The following ZNF804A variants were observed in gnomAD, a reference collection of about 807,000 sequenced individuals.
ZNF804A encodes the protein zinc finger protein 804A.
Under a neutral mutation model 16.5 loss-of-function variants are expected in ZNF804A, and 2 were observed. The ratio of observed to expected loss-of-function variants is 0.12; its 90% CI spans 0.05 to 0.38. ZNF804A has a LOEUF of 0.38. Ranked by LOEUF, ZNF804A falls within the 10% of genes least tolerant of loss-of-function variation. The pLI is 0.99. For synonymous variants in ZNF804A, 534 were observed against 489.6 expected, an observed-to-expected ratio of 1.09 and a Z score of -1.20; for missense variants, 1,473 against 1,390.7, an observed-to-expected ratio of 1.06 and a Z score of -0.94.
intron 1 of ZNF804A, among the ~76,000 whole-genome samples, chr2:184,812,429 G>A (rs965498381): frequency 6.6e-6 from 1 of 151,956 alleles, no homozygotes; most frequent in Non-Finnish European, 1.5e-5. Flanking sequence ...TGAAGATAAA[G>A]ATTAAAAAAA....
chr2:184,829,923 CAAAAACAAAAAAAAAAAA>C lies in ZNF804A; in HGVS notation c.112-36444_112-36427del, dbSNP rs1375455114. Among the ~76,000 whole-genome samples, 99 of 66,416 alleles carry C rather than the reference CAAAAACAAAAAAAAAAAA, an allele frequency of 1.5e-3. 1 individual carries two copies. The highest frequency in any genetic ancestry group is 7.3e-3 in the African/African-American group (98 of 13,436). The allele number at this position is 66,416 out of a possible 152,430, so 43.6% of individuals were successfully genotyped here. On this transcript the variant is annotated intron_variant, in intron 1 of 3. Coordinates refer to ENST00000302277, the MANE Select transcript of ZNF804A (RefSeq NM_194250.2). ...CCAAAAAAAAAAAAAAAAAAAAAAA[CAAAAACAAAAAAAAAAAA>C]ACCACACACACACAAATGGACTGGA...
At chr2:184,701,448 A>T (rs929570390) in intron 1 of ZNF804A, among the ~76,000 whole-genome samples, 1 of 151,964 alleles carries the variant, frequency 6.6e-6, no homozygotes, top group African/African-American at 2.4e-5. Context: ...TCTTCAAAGT[A>T]TGTTTTAGTC....
At chr2:184,881,553 A>G (rs1684810468) in intron 2 of ZNF804A, among the ~76,000 whole-genome samples, 1 of 152,148 alleles carries the variant, frequency 6.6e-6, no homozygotes, top group South Asian at 2.1e-4. Flanking sequence ...TGGAAGCCCC[A>G]TTAGGCTAAT....
chr2:184,725,842 GT>G (rs1418644308), intron 1 of ZNF804A, among the ~76,000 whole-genome samples: 1 of 151,348 alleles, frequency 6.6e-6, no homozygotes, highest in African/African-American at 2.4e-5. Context: ...CCACTAATGT[GT>G]TTTAGATCTC....
At chr2:184,808,945 T>C (rs1358671111) in intron 1 of ZNF804A, among the ~76,000 whole-genome samples, 2 of 151,882 alleles carry the variant, frequency 1.3e-5, no homozygotes, top group African/African-American at 4.8e-5. Flanking sequence ...TCAGATTTTC[T>C]AAACTTTTGT....
At chr2:184,680,394 C>G (rs1462412089) in intron 1 of ZNF804A, among the ~76,000 whole-genome samples, 2 of 151,976 alleles carry the variant, frequency 1.3e-5, no homozygotes, top group Non-Finnish European at 2.9e-5. Context: ...ACCCACTGTG[C>G]ATCTTCTCTC....
intron 1 of ZNF804A, among the ~76,000 whole-genome samples, chr2:184,772,026 A>G (rs889767257): frequency 4.6e-5 from 7 of 152,034 alleles, no homozygotes; most frequent in Non-Finnish European, 7.4e-5. Flanking sequence ...GAAACAAAAA[A>G]CAGATCATTT....
intron 1 of ZNF804A, among the ~76,000 whole-genome samples, chr2:184,650,128 A>G (rs1424506244): frequency 1.3e-5 from 2 of 152,164 alleles, no homozygotes; most frequent in African/African-American, 4.8e-5. Context: ...AGTAGGCTTC[A>G]TTCCTGGGAT....
Position 184,598,893 on chromosome 2 carries a change from G to A in ZNF804A, c.-67G>A. On this transcript the variant is annotated 5_prime_UTR_variant, in exon 1 of 4. Transcript: ENST00000302277. The stretch of plus-strand genomic sequence containing the variant: ...CCAGCCCACCGTCGCCGGCCCCGGC[G>A]CGCTGCGGCTGTGGGCGCGGGGTGC... 1 of 1,081,116 alleles carries A rather than the reference G, an allele frequency of 9.2e-7. No homozygotes were observed. The highest frequency in any genetic ancestry group is 1.3e-6 in the Non-Finnish European group (1 of 786,866). The allele number at this position is 1,081,116 out of a possible 1,614,324, so 67.0% of individuals were successfully genotyped here. A position where few individuals can be genotyped will look rare whatever the true frequency, so the allele number is the denominator to read the frequency against.
rs1372720198 is a variant in ZNF804A at position 184,939,332 on chromosome 2, G to A, written c.*306G>A. ...TATTTATAGTACTCTAATTTATGTT[G>A]TAAAGTATGCTCCCTTGGTTTTTCT... On this transcript the variant is annotated 3_prime_UTR_variant, in exon 4 of 4. Transcript: ENST00000302277. 5.0e-6 allele frequency: 1 copy of A among 199,088 alleles called. No individual in the cohort carries two copies. The highest frequency in any genetic ancestry group is 1.0e-5 in the Non-Finnish European group (1 of 98,560). The allele number at this position is 199,088 out of a possible 1,614,324, so 12.3% of individuals were successfully genotyped here.
At chr2:184,688,551 T>C (rs1164061771) in intron 1 of ZNF804A, among the ~76,000 whole-genome samples, 3 of 152,130 alleles carry the variant, frequency 2.0e-5, no homozygotes, top group Non-Finnish European at 4.4e-5. Context: ...ACTTTTGCCA[T>C]TCTTACCTAT....
intron 1 of ZNF804A, among the ~76,000 whole-genome samples, chr2:184,774,240 A>G (rs1345675861): frequency 1.3e-5 from 2 of 151,920 alleles, no homozygotes; most frequent in African/African-American, 4.8e-5. Context: ...AACAAAATAA[A>G]CATACACAGA....
At chr2:184,638,078 TGTG>T (rs1691730114) in intron 1 of ZNF804A, among the ~76,000 whole-genome samples, 1 of 152,214 alleles carries the variant, frequency 6.6e-6, no homozygotes, top group African/African-American at 2.4e-5. Flanking sequence ...CCTGTTGTTG[TGTG>T]CCAGTTAATA....
At chr2:184,721,052 A>G (rs1693304466) in intron 1 of ZNF804A, among the ~76,000 whole-genome samples, 1 of 152,198 alleles carries the variant, frequency 6.6e-6, no homozygotes, top group Admixed American at 6.6e-5. Context: ...ATACAGAATA[A>G]TAAATCTGGA....
intron 1 of ZNF804A, among the ~76,000 whole-genome samples, chr2:184,826,952 T>A (rs139214249): frequency 2.9e-4 from 44 of 152,206 alleles, no homozygotes; most frequent in African/African-American, 1.0e-3. Flanking sequence ...TCATGTGTAT[T>A]CTTTTATATA....
At chr2:184,607,941 T>TTTC in intron 1 of ZNF804A, among the ~76,000 whole-genome samples, 1 of 115,634 alleles carries the variant, frequency 8.6e-6, no homozygotes, top group Non-Finnish European at 1.8e-5. Flanking sequence ...CATCTCTTTT[T>TTTC]TTTTTTTTTT....
At chr2:184,698,880 C>A (rs1400605088) in intron 1 of ZNF804A, among the ~76,000 whole-genome samples, 2 of 151,970 alleles carry the variant, frequency 1.3e-5, no homozygotes, top group African/African-American at 4.8e-5. Context: ...TTTAAATAAG[C>A]AATTCAGCTG....
intron 2 of ZNF804A, among the ~76,000 whole-genome samples, chr2:184,912,377 A>G (rs186073021): frequency 2.8e-4 from 42 of 152,120 alleles, no homozygotes; most frequent in Non-Finnish European, 4.9e-4. Context: ...TTGTTTCCAA[A>G]TATTGGCTGT....
intron 3 of ZNF804A, among the ~76,000 whole-genome samples, chr2:184,934,199 A>G (rs543637259): frequency 3.3e-5 from 5 of 152,106 alleles, no homozygotes; most frequent in Non-Finnish European, 7.4e-5. Flanking sequence ...AAGCAGACCA[A>G]CATTAAGTGC....
Sources: gnomAD v4.1 joint callset for allele counts (sites outside exome capture counted in the v4.1 genomes callset) on GRCh38, gnomAD v4.1.1 for gene constraint, MANE v1.5 for transcripts, NCBI Gene and HGNC (gene_info 2026-07-23, HGNC 2026-07-21) for gene names.